PCNX2: variants seen among roughly 807,000 people sequenced by gnomAD.
PCNX2 encodes pecanex-like protein 2.
Under a neutral mutation model 223.8 loss-of-function variants are expected in PCNX2, and 168 were observed. That is an observed-to-expected ratio of 0.75 (90% confidence interval 0.66 to 0.85). PCNX2 has a LOEUF of 0.85. PCNX2 is among the 40% of genes least tolerant of loss of function. The pLI is 0.00. For missense variants in PCNX2, 2,507 were observed against 2,675.5 expected, an observed-to-expected ratio of 0.94 and a Z score of 1.39; for synonymous variants, 1,006 against 1,052.6, an observed-to-expected ratio of 0.96 and a Z score of 0.86.
chr1:233,093,020 C>T (rs147480820), intron 22 of PCNX2, among the ~76,000 whole-genome samples: 1,586 of 152,244 alleles, frequency 0.01, 26 homozygotes, highest in African/African-American at 0.035. Flanking sequence ...AGGATGGTCT[C>T]AATCTCCTGA....
intron 25 of PCNX2, chr1:233,031,654 G>C: frequency 1.4e-6 from 1 of 720,778 alleles, no homozygotes. Context: ...TAGGAGTCCA[G>C]GTCAGGAAGG....
At chr1:233,290,739 C>T in intron 1 of PCNX2, 1 of 983,116 alleles carries the variant, frequency 1.0e-6, no homozygotes, top group Non-Finnish European at 1.2e-6. Context: ...TAGGTCTTAT[C>T]AAAGAAGGTC....
At chr1:233,291,821 C>T (rs1661783060) in intron 1 of PCNX2, 1 of 983,008 alleles carries the variant, frequency 1.0e-6, no homozygotes, top group Admixed American at 6.3e-5. Context: ...GACTAACCAT[C>T]TTTCAGTTTG....
At chr1:233,019,112 T>C in intron 26 of PCNX2, 1 of 985,258 alleles carries the variant, frequency 1.0e-6, no homozygotes, top group Non-Finnish European at 1.2e-6. Flanking sequence ...CTTTAGCAGG[T>C]GAAGAGACAG....
At chr1:233,065,550 C>T (rs560229428) in intron 23 of PCNX2, 11 of 152,116 alleles carry the variant, frequency 7.2e-5, no homozygotes, top group African/African-American at 2.7e-4. Context: ...ATAAAAACAC[C>T]TTCTGAAAGG....
At chr1:233,088,905 T>A (rs1161889412) in intron 23 of PCNX2, among the ~76,000 whole-genome samples, 1 of 152,224 alleles carries the variant, frequency 6.6e-6, no homozygotes, top group African/African-American at 2.4e-5. Flanking sequence ...TTAATTCATT[T>A]TCTCCTCACA....
intron 17 of PCNX2, 87 bp from the exon 18 acceptor site, chr1:233,161,450 G>C: frequency 8.8e-7 from 1 of 1,135,444 alleles, no homozygotes; most frequent in East Asian, 2.5e-5. Context: ...GCAGGACATT[G>C]ACCCAAGATA....
At chr1:233,318,608 G>C in the PCNX2 span, among the ~76,000 whole-genome samples, 1 of 127,024 alleles carries the variant, frequency 7.9e-6, no homozygotes, top group Non-Finnish European at 1.6e-5. Flanking sequence ...CTCTTGTTCA[G>C]GCTGGAGTGC....
intron 21 of PCNX2, among the ~76,000 whole-genome samples, chr1:233,119,403 C>CAAAAAAAAA (rs71173251): frequency 0.01 from 400 of 38,630 alleles, 3 homozygotes; most frequent in Admixed American, 0.014. Context: ...ACTAAAAATA[C>CAAAAAAAAA]AAAAAAAAAA....
At chr1:232,984,523 A>G in intron 33 of PCNX2, 46 bp from the exon 34 acceptor site, 1 of 1,581,618 alleles carries the variant, frequency 6.3e-7, no homozygotes, top group Non-Finnish European at 8.6e-7. Flanking sequence ...GCAAACGTTC[A>G]CTACCCACTT....
chr1:233,037,511 T>C (rs1349139725), intron 25 of PCNX2, among the ~76,000 whole-genome samples: 1 of 151,968 alleles, frequency 6.6e-6, no homozygotes, highest in Non-Finnish European at 1.5e-5. Context: ...ATTTTCTTTC[T>C]TTCTTTCTTT....
chr1:233,195,615 A>G (rs1680682852), intron 15 of PCNX2, among the ~76,000 whole-genome samples: 1 of 152,246 alleles, frequency 6.6e-6, no homozygotes, highest in South Asian at 2.1e-4. Context: ...TTGCAAGATA[A>G]AGGCTGAAAT....
chr1:233,199,241 CAGAA>C (rs1680915615), intron 14 of PCNX2, among the ~76,000 whole-genome samples: 1 of 152,140 alleles, frequency 6.6e-6, no homozygotes, highest in South Asian at 2.1e-4. Flanking sequence ...GGAAAGTACT[CAGAA>C]AGAATGCTTT....
chr1:233,183,240 C>T (rs1679905241), intron 15 of PCNX2, among the ~76,000 whole-genome samples: 1 of 152,122 alleles, frequency 6.6e-6, no homozygotes, highest in East Asian at 1.9e-4. Flanking sequence ...TGTGCCCATC[C>T]CCCATGACAC....
At chr1:233,288,972 T>G (rs1231955138) in intron 1 of PCNX2, 4 of 1,517,590 alleles carry the variant, frequency 2.6e-6, no homozygotes, top group Non-Finnish European at 3.7e-6. Context: ...CTGTGCTTTG[T>G]CCAAATGAAC....
At chr1:233,125,736 G>T (rs1676058313) in intron 21 of PCNX2, among the ~76,000 whole-genome samples, 1 of 152,142 alleles carries the variant, frequency 6.6e-6, no homozygotes, top group Non-Finnish European at 1.5e-5. Flanking sequence ...TTTGGGGGAG[G>T]ATTATTAGTT....
intron 28 of PCNX2, among the ~76,000 whole-genome samples, chr1:233,010,453 A>G (rs916440931): frequency 6.6e-6 from 1 of 152,226 alleles, no homozygotes; most frequent in African/African-American, 2.4e-5. Flanking sequence ...TTCTTTTACA[A>G]ACAAACCTGT....
At chr1:233,267,921 GT>G (rs796458222) in intron 1 of PCNX2, among the ~76,000 whole-genome samples, 77 of 149,570 alleles carry the variant, frequency 5.1e-4, no homozygotes, top group African/African-American at 1.5e-3. Context: ...TCGATGTTTA[GT>G]TTTTTTTTTA....
chr1:233,176,856 A>G (rs1176792120), intron 17 of PCNX2, among the ~76,000 whole-genome samples: 1 of 152,194 alleles, frequency 6.6e-6, no homozygotes, highest in Non-Finnish European at 1.5e-5. Flanking sequence ...TACTAAAAAA[A>G]TACAAAAAAT....
Sources: gnomAD v4.1 joint callset for allele counts (sites outside exome capture counted in the v4.1 genomes callset) on GRCh38, gnomAD v4.1.1 for gene constraint, MANE v1.5 for transcripts, NCBI Gene and HGNC (gene_info 2026-07-23, HGNC 2026-07-21) for gene names.